ADGRG4: variants seen among roughly 807,000 people sequenced by gnomAD.
The protein encoded by ADGRG4 is adhesion G protein-coupled receptor G4, also known as G protein-coupled receptor 112.
A neutral mutation model predicts 126.2 loss-of-function variants in ADGRG4; 122 were observed. The observed-to-expected ratio is 0.97, with a 90% CI of 0.83 to 1.12. ADGRG4 has a LOEUF of 1.12. ADGRG4 is among the 50% of genes most tolerant of loss of function. The pLI is 0.00. For missense variants in ADGRG4, 2,481 were observed against 2,251.8 expected, an observed-to-expected ratio of 1.10 and a Z score of -2.06; for synonymous variants, 943 against 838.7, an observed-to-expected ratio of 1.12 and a Z score of -2.15.
At position 136,412,503 on chromosome X, in the gene ADGRG4, T is replaced by G. The variant is rs978006711; in HGVS notation, c.9037+137T>G. The G allele has an allele frequency of 3.4e-5, 16 of 474,192 alleles. No homozygotes were observed. The East Asian group carries it at 4.1e-4, about 12-fold the overall frequency. 39.1% of individuals were successfully genotyped at this position (474,192 alleles called of 1,213,427 possible). A position where few individuals can be genotyped will look rare whatever the true frequency, so the allele number is the denominator to read the frequency against. ...CTGTTTCCATGTCATAAAAATGATT[T>G]GTGCTTTTGAGCTGAGATGAGTGAA... On this transcript the variant is annotated intron_variant, in intron 24 of 25. Transcript: ENST00000394143.
chrX:136,333,087 G>A, intron 5 of ADGRG4, among the ~76,000 whole-genome samples: 1 of 111,643 alleles, frequency 9.0e-6, no homozygotes, highest in Non-Finnish European at 1.9e-5. Flanking sequence ...AAGCAATGGG[G>A]AAAGGATTCC....
chrX:136,331,465 C>T (rs905877160), intron 5 of ADGRG4, among the ~76,000 whole-genome samples: 1 of 112,600 alleles, frequency 8.9e-6, no homozygotes, highest in Non-Finnish European at 1.9e-5. Context: ...AGACTGTTTA[C>T]AAACTGTCAG....
At position 136,348,641 on chromosome X, in the gene ADGRG4, T is replaced by C; in HGVS notation, c.4935T>C (p.Phe1645=). The C allele has an allele frequency of 1.7e-6, 2 of 1,210,201 alleles. No individual in the cohort carries two copies. The highest frequency in any genetic ancestry group is 2.2e-6 in the Non-Finnish European group (2 of 894,737). Residue 1645 remains phenylalanine (F), a synonymous_variant, in exon 6 of 26, where the codon TTT becomes TTC. Transcript: ENST00000394143. ...CTTCCAGGATCACACCTACGACCTTTCTCTCTCCAACAGAGCCAACTTTGC... is the reference window on the plus strand; with the variant it reads ...CTTCCAGGATCACACCTACGACCTTCCTCTCTCCAACAGAGCCAACTTTGC... ...EAPSRITPTT[F]LSPTEPTLPF...
intron 13 of ADGRG4, among the ~76,000 whole-genome samples, chrX:136,367,403 G>T (rs1206496985): frequency 8.9e-6 from 1 of 112,353 alleles, no homozygotes; most frequent in African/African-American, 3.2e-5. Context: ...AAGTTAGAGG[G>T]TTTGTGTTTC....
chrX:136,400,196 T>G, intron 21 of ADGRG4, 80 bp downstream of exon 21: 1 of 813,680 alleles, frequency 1.2e-6, no homozygotes, highest in Non-Finnish European at 1.8e-6. Flanking sequence ...ATTCTGTTAA[T>G]ATCATAGGTA....
At chrX:136,304,051 A>G (rs1203704989) in intron 1 of ADGRG4, 82 bp from the exon 2 acceptor site, 1 of 111,080 alleles carries the variant, frequency 9.0e-6, no homozygotes, top group Non-Finnish European at 1.9e-5. Context: ...GTGCTTATCA[A>G]TTCCTATTGT....
At chrX:136,399,800 A>G in intron 20 of ADGRG4, 48 bp from the exon 21 acceptor site, 1 of 1,093,691 alleles carries the variant, frequency 9.1e-7, no homozygotes, top group South Asian at 2.2e-5. Flanking sequence ...GTTTAATTAA[A>G]AAAAAAAAAA....
chrX:136,395,021 T>G (rs1026394487), intron 18 of ADGRG4, among the ~76,000 whole-genome samples: 9 of 111,428 alleles, frequency 8.1e-5, no homozygotes, highest in Non-Finnish European at 1.7e-4. Context: ...CCAGTCCCTC[T>G]GAGTAAGCTC....
chrX:136,330,271 C>G (rs780392888), intron 5 of ADGRG4, among the ~76,000 whole-genome samples: 6 of 111,140 alleles, frequency 5.4e-5, no homozygotes, highest in Non-Finnish European at 9.4e-5. Flanking sequence ...TTTCCCCCTA[C>G]GCTGCTTCAT....
chrX:136,401,726 G>T (rs2075380457), intron 21 of ADGRG4, among the ~76,000 whole-genome samples: 2 of 112,332 alleles, frequency 1.8e-5, no homozygotes, highest in African/African-American at 6.5e-5. Context: ...CGCCACGTGA[G>T]TTGTAGGATT....
rs746478486 is a variant in ADGRG4 at position 136,345,207 on chromosome X, G to C, written c.1501G>C (p.Ala501Pro). 1 of 1,208,184 alleles carries C rather than the reference G, an allele frequency of 8.3e-7. No homozygotes were observed. Among genetic ancestry groups the C allele is most frequent in the Non-Finnish European group, 1.1e-6 (1 of 893,559 alleles). ...FPLATTDMKI[A>P]FTVHSLTLPT... is the part of the protein sequence containing the mutation. The stretch of plus-strand genomic sequence containing the variant: ...ATTGGCAACAACTGATATGAAAATA[G>C]CATTTACAGTCCATTCATTGACTCT... Residue 501 changes from alanine (A) to proline (P), a missense_variant, in exon 6 of 26, where the codon GCA becomes CCA. Physicochemically the swap from Ala to Pro is conservative, Grantham distance 27. Transcript: ENST00000394143.
At chrX:136,352,930 C>G (rs951182253) in intron 7 of ADGRG4, among the ~76,000 whole-genome samples, 5 of 111,531 alleles carry the variant, frequency 4.5e-5, no homozygotes, top group African/African-American at 1.6e-4. Context: ...TCTGGTGAGG[C>G]CTCTCTCCTT....
chrX:136,380,886 A>AT (rs1459087835), intron 15 of ADGRG4, among the ~76,000 whole-genome samples: 23 of 107,232 alleles, frequency 2.1e-4, no homozygotes, highest in East Asian at 8.7e-4. Flanking sequence ...TAATTTTTAG[A>AT]TTTTTTATTT....
rs2075023656 is a variant in ADGRG4, at chrX:136,347,179, C to G, written c.3473C>G (p.Ser1158Cys). 8.3e-7 allele frequency: 1 copy of G among 1,211,215 alleles called. No homozygotes were observed. The highest frequency in any genetic ancestry group is 1.7e-5 in the African/African-American group (1 of 57,721). The change falls in exon 6 of 26, where the codon TCC becomes TGC. Residue 1158 changes from serine (S) to cysteine (C), a missense_variant. Ser to Cys is a moderately radical substitution (Grantham distance 112). Transcript: ENST00000394143. ...PPPDNIPPAS[S>C]THVISTTSTP... ...CCTGACAACATTCCTCCTGCGTCCT[C>G]CACTCATGTGATCTCAACTACGTCT...
At chrX:136,359,234 C>T in intron 10 of ADGRG4, 58 bp from the exon 11 acceptor site, 1 of 1,015,753 alleles carries the variant, frequency 9.8e-7, no homozygotes, top group Non-Finnish European at 1.3e-6. Context: ...CATTGCAGGC[C>T]AAGTTGCACT....
Position 136,352,801 on chromosome X carries a change from A to C in ADGRG4, c.6823-536A>C, listed in dbSNP as rs60199908. 5.0e-3 allele frequency among the ~76,000 whole-genome samples: 563 copies of C among 111,970 alleles called. 5 individuals are homozygous for C. Among genetic ancestry groups the C allele is most frequent in the African/African-American group, 0.018 (541 of 30,860 alleles). On this transcript the variant is annotated intron_variant, in intron 7 of 25. Transcript: ENST00000394143. Reference sequence around the variant, plus strand: ...ATCCTTGAAAATGGGTGGGTGTATTAGTCTACTCAGGCTACCATAACAAAA... The same window carrying C: ...ATCCTTGAAAATGGGTGGGTGTATTCGTCTACTCAGGCTACCATAACAAAA...
At position 136,354,830 on chromosome X, in the gene ADGRG4, T is replaced by C. The variant is rs12010857; in HGVS notation, c.6888-1296T>C. Among the ~76,000 whole-genome samples, 473 of 111,731 alleles carry C rather than the reference T, an allele frequency of 4.2e-3. 1 individual carries two copies. Among genetic ancestry groups the C allele is most frequent in the African/African-American group, 0.014 (446 of 30,818 alleles). ...CAGAAGATACGAATGAAGAGATGTG[T>C]AAGGCGAGGTAAGGGACAAGGGGAA... On this transcript the variant is annotated intron_variant, in intron 8 of 25. Coordinates refer to ENST00000394143, the MANE Select transcript of ADGRG4 (RefSeq NM_153834.4).
intron 5 of ADGRG4, among the ~76,000 whole-genome samples, chrX:136,326,956 C>T (rs924514813): frequency 4.5e-5 from 5 of 110,448 alleles, no homozygotes; most frequent in African/African-American, 1.6e-4. Context: ...ATGAACCCTA[C>T]CTGGGTTTAA....
chrX:136,381,375 C>T (rs1426263958), intron 15 of ADGRG4, among the ~76,000 whole-genome samples: 2 of 110,589 alleles, frequency 1.8e-5, no homozygotes, highest in African/African-American at 6.6e-5. Context: ...CCTCAGCCTC[C>T]CGAGTAGCTG....
Sources: gnomAD v4.1 joint callset for allele counts (sites outside exome capture counted in the v4.1 genomes callset) on GRCh38, gnomAD v4.1.1 for gene constraint, MANE v1.5 for transcripts, NCBI Gene and HGNC (gene_info 2026-07-23, HGNC 2026-07-21) for gene names.